The following XYLT1 variants were observed in gnomAD, a reference collection of about 807,000 sequenced individuals.
The protein encoded by XYLT1 is beta-D-xylosyltransferase 1.
Under a neutral mutation model 91.3 loss-of-function variants are expected in XYLT1, and 36 were observed. That is an observed-to-expected ratio of 0.39 (90% CI 0.30 to 0.52). The LOEUF is 0.52. Among genes scored for constraint, XYLT1 ranks in the 20% least tolerant of loss-of-function variants. The probability of loss-of-function intolerance (pLI) is 0.68; values close to 1 mark genes in which losing one functional copy is unlikely to be tolerated. For synonymous variants in XYLT1, 588 were observed against 532.0 expected, an observed-to-expected ratio of 1.11 and a Z score of -1.45; for missense variants, 1,242 against 1,284.5, an observed-to-expected ratio of 0.97 and a Z score of 0.51.
chr16:17,130,887 C>CA (rs397707769), intron 9 of XYLT1, among the ~76,000 whole-genome samples: 4 of 151,890 alleles, frequency 2.6e-5, no homozygotes, highest in Admixed American at 6.6e-5. Context: ...CTCTAGCCCC[C>CA]TTTTGTTTCC....
intron 1 of XYLT1, among the ~76,000 whole-genome samples, chr16:17,463,306 T>G (rs147703843): frequency 0.016 from 2,402 of 152,132 alleles, 35 homozygotes; most frequent in Admixed American, 0.054. Flanking sequence ...AAGAAAATAT[T>G]TGCAAACTAC....
At chr16:17,434,815 C>T (rs999123139) in intron 1 of XYLT1, among the ~76,000 whole-genome samples, 12 of 151,662 alleles carry the variant, frequency 7.9e-5, no homozygotes, top group Admixed American at 5.9e-4. Context: ...CTATAGTGAG[C>T]TATGACTGCA....
chr16:17,110,966 C>G (rs561745433), intron 11 of XYLT1, among the ~76,000 whole-genome samples: 69 of 152,230 alleles, frequency 4.5e-4, no homozygotes, highest in Admixed American at 2.8e-3. Flanking sequence ...TCGAGACCAG[C>G]CTGGCCAACA....
intron 5 of XYLT1, among the ~76,000 whole-genome samples, chr16:17,169,141 G>T (rs952618667): frequency 6.6e-6 from 1 of 152,196 alleles, no homozygotes; most frequent in South Asian, 2.1e-4. Context: ...GGAACGCACA[G>T]AACACTGGGG....
chr16:17,284,597 G>A (rs929505068), intron 2 of XYLT1, among the ~76,000 whole-genome samples: 3 of 152,272 alleles, frequency 2.0e-5, no homozygotes, highest in South Asian at 4.2e-4. Context: ...CGGGCAAAAG[G>A]TACCAGGCAG....
chr16:17,189,153 C>G (rs1380270992), intron 5 of XYLT1, among the ~76,000 whole-genome samples: 2 of 152,160 alleles, frequency 1.3e-5, no homozygotes, highest in African/African-American at 2.4e-5. Context: ...CAAAGCACCC[C>G]AAGATTGTCA....
chr16:17,222,043 G>A (rs368569685), intron 3 of XYLT1, among the ~76,000 whole-genome samples: 95 of 152,282 alleles, frequency 6.2e-4, no homozygotes, highest in Middle Eastern at 3.4e-3. Flanking sequence ...ACAGCGATTG[G>A]CATGACAAAT....
At chr16:17,237,664 G>A (rs1343073999) in intron 3 of XYLT1, among the ~76,000 whole-genome samples, 4 of 152,284 alleles carry the variant, frequency 2.6e-5, no homozygotes, top group Admixed American at 2.0e-4. Flanking sequence ...TCTTACCAGC[G>A]TTTCTACAGG....
At chr16:17,286,233 C>CT (rs1173416049) in intron 2 of XYLT1, among the ~76,000 whole-genome samples, 2 of 152,136 alleles carry the variant, frequency 1.3e-5, no homozygotes, top group Admixed American at 6.5e-5. Context: ...AATCAAGACC[C>CT]TTCTCCACCA....
chr16:17,200,430 C>T lies in XYLT1; in HGVS notation c.1086+52G>A, dbSNP rs549275935. 101 of 1,585,556 alleles carry T rather than the reference C, an allele frequency of 6.4e-5. 1 individual carries two copies. The highest frequency in any genetic ancestry group is 4.2e-4 in the South Asian group (37 of 88,562). ...GCAGAAGGAGGGTATCAGGGAGGGA[C>T]GGACAGACCCCGAAGAAAGCCCAGC... On this transcript the variant is annotated intron_variant, in intron 4 of 11. Transcript: ENST00000261381.
chr16:17,217,317 C>T (rs2032878616), intron 3 of XYLT1, among the ~76,000 whole-genome samples: 2 of 152,152 alleles, frequency 1.3e-5, no homozygotes, highest in Non-Finnish European at 2.9e-5. Context: ...ATTTCTCTGT[C>T]TACAAAGATA....
chr16:17,117,850 C>T lies in XYLT1; in HGVS notation c.2353G>A (p.Val785Met), dbSNP rs757011703. The change falls in exon 11 of 12, where the codon GTG becomes ATG. Residue 785 changes from valine (V) to methionine (M), a missense_variant. This residue lies in a region of XYLT1 where 511 missense variants were observed against 497.0 expected (regional missense o/e 1.03). Transcript: ENST00000261381. ...GPNVTVTVIW[V>M]DPVNVIAATY... ...GCTGCGATGACATTGACGGGATCCACCCAAATGACGGTCACGGTCACATTA... is the reference window on the plus strand; with the variant it reads ...GCTGCGATGACATTGACGGGATCCATCCAAATGACGGTCACGGTCACATTA... 1.2e-6 allele frequency: 2 copies of T among 1,614,090 alleles called. No individual in the cohort carries two copies. Among genetic ancestry groups the T allele is most frequent in the African/African-American group, 1.3e-5 (1 of 74,990 alleles).
At chr16:17,379,763 T>TCTCTTTCTCACACACACACACACACA (rs373354877) in intron 1 of XYLT1, among the ~76,000 whole-genome samples, 2 of 125,546 alleles carry the variant, frequency 1.6e-5, no homozygotes, top group African/African-American at 6.3e-5. Flanking sequence ...TCTCTCTCTC[T>TCTCTTTCTCACACACACACACACACA]CACACACACA....
chr16:17,443,743 C>A lies in XYLT1; in HGVS notation c.363+26691G>T, dbSNP rs554658972. ...ACCCCATGGGTCTTAACCTATCTAG[C>A]AGGAGTGGGACATTATATAAATACA... On this transcript the variant is annotated intron_variant, in intron 1 of 11. Transcript: ENST00000261381. 4.5e-4 allele frequency among the ~76,000 whole-genome samples: 69 copies of A among 152,186 alleles called. 1 individual carries two copies. Among genetic ancestry groups the A allele is most frequent in the Non-Finnish European group, 9.3e-4 (63 of 68,042 alleles).
chr16:17,377,304 ATGT>A (rs1394903025), intron 1 of XYLT1, among the ~76,000 whole-genome samples: 2 of 151,082 alleles, frequency 1.3e-5, no homozygotes, highest in Non-Finnish European at 2.9e-5. Flanking sequence ...TCTAGTGCCT[ATGT>A]TGTTAACCTG....
At chr16:17,428,655 A>AG (rs1048970442) in intron 1 of XYLT1, among the ~76,000 whole-genome samples, 1 of 152,208 alleles carries the variant, frequency 6.6e-6, no homozygotes, top group Non-Finnish European at 1.5e-5. Flanking sequence ...AGACATCTGT[A>AG]GCCGCAGCCC....
Position 17,454,903 on chromosome 16 carries a change from TCCCCCCCCCGC to T in XYLT1, c.363+15520_363+15530del, listed in dbSNP as rs1325550699. Among the ~76,000 whole-genome samples, 4 of 36,972 alleles carry T rather than the reference TCCCCCCCCCGC, an allele frequency of 1.1e-4. 1 individual carries two copies. The highest frequency in any genetic ancestry group is 3.3e-3 in the South Asian group (2 of 602). The allele number at this position is 36,972 out of a possible 152,430, so 24.3% of individuals were successfully genotyped here. A position where few individuals can be genotyped will look rare whatever the true frequency, so the allele number is the denominator to read the frequency against. On this transcript the variant is annotated intron_variant, in intron 1 of 11. Transcript: ENST00000261381. ...CGCGTCACAAAATATCATTCTTTCC[TCCCCCCCCCGC>T]CCCCCCCCGCAACTATTTAAAAACA...
In XYLT1 at chr16:17,182,693, G is replaced by C. The variant is rs549444551; in HGVS notation, c.1289+15519C>G. On this transcript the variant is annotated intron_variant, in intron 5 of 11. Transcript: ENST00000261381. The stretch of plus-strand genomic sequence containing the variant: ...TTTGAAACAATTAGGCATATGTGGG[G>C]GGTGGGGTGGGGGGAGGGACAGAAG... Among the ~76,000 whole-genome samples the C allele has an allele frequency of 2.0e-3, 265 of 131,980 alleles. 1 individual carries two copies. The highest frequency in any genetic ancestry group is 7.1e-3 in the African/African-American group (257 of 36,290). 86.6% of individuals were successfully genotyped at this position (131,980 alleles called of 152,430 possible). A position where few individuals can be genotyped will look rare whatever the true frequency, so the allele number is the denominator to read the frequency against.
At chr16:17,253,259 G>A (rs1331851084) in intron 3 of XYLT1, among the ~76,000 whole-genome samples, 1 of 152,134 alleles carries the variant, frequency 6.6e-6, no homozygotes, top group Non-Finnish European at 1.5e-5. Flanking sequence ...TAAATTTATT[G>A]CAAATGGGGG....
Sources: gnomAD v4.1 joint callset for allele counts (sites outside exome capture counted in the v4.1 genomes callset) on GRCh38, gnomAD v4.1.1 for gene constraint, gnomAD v4.1.1 regional missense constraint, MANE v1.5 for transcripts, NCBI Gene and HGNC (gene_info 2026-07-23, HGNC 2026-07-21) for gene names.